The following SEC24C variants were observed in gnomAD, a reference collection of about 807,000 sequenced individuals.
SEC24C encodes SEC24 homolog C, COPII component.
Under a neutral mutation model 117.0 loss-of-function variants are expected in SEC24C, and 22 were observed. The observed-to-expected ratio is 0.19, with a 90% CI of 0.13 to 0.27. The LOEUF is 0.27. SEC24C is among the 10% of genes least tolerant of loss of function. The pLI, the probability that SEC24C is intolerant of heterozygous loss-of-function variation, is 1.00. For synonymous variants in SEC24C, 506 were observed against 529.4 expected (o/e 0.96, Z 0.61); for missense variants, 1,155 against 1,375.1 (o/e 0.84, Z 2.53).
rs2082957306 is a variant in SEC24C at position 73,770,355 on chromosome 10, A to G, written c.2938A>G (p.Ile980Val). The change falls in exon 21 of 23, where the codon ATA becomes GTA. Residue 980 changes from isoleucine (I) to valine (V), a missense_variant. Around this residue, in one of 2 missense-constraint regions of SEC24C, gnomAD observed 759 missense variants for 992.3 expected, o/e 0.76. Coordinates refer to ENST00000345254, the MANE Select transcript of SEC24C (RefSeq NM_198597.3). ...ASEERLSNGD[I>V]YLLENGLNLF... is the part of the protein sequence containing the mutation. ...TGAAGAGCGTCTAAGCAATGGGGAT[A>G]TATATTTACTGGAGAATGGGCTCAA... The G allele has an allele frequency of 2.5e-6, 4 of 1,613,710 alleles. No individual in the cohort carries two copies. Among genetic ancestry groups the G allele is most frequent in the Admixed American group, 3.3e-5 (2 of 59,982 alleles).
chr10:73,760,214 G>A lies in SEC24C; in HGVS notation c.678G>A (p.Met226Ile). 1 of 1,614,148 alleles carries A rather than the reference G, an allele frequency of 6.2e-7. No homozygotes were observed. The highest frequency in any genetic ancestry group is 1.1e-5 in the South Asian group (1 of 91,080). The change falls in exon 5 of 23, where the codon ATG becomes ATA. Residue 226 changes from methionine to isoleucine, a missense_variant. Transcript: ENST00000345254. The part of the protein sequence containing the change: ...PASGGPRLPS[M>I]TGPLLPGQSF... ...CAGGGGGTCCTCGGCTGCCTTCGAT[G>A]ACTGGTCCACTCCTGCCTGGACAGA...
chr10:73,765,326 C>G, intron 8 of SEC24C, 125 bp from the exon 9 acceptor site: 1 of 1,014,790 alleles, frequency 9.9e-7, no homozygotes, highest in Non-Finnish European at 1.5e-6. Context: ...ATTGTGCTCC[C>G]TACTCCCTCT....
chr10:73,755,896 G>T (rs558421757), intron 3 of SEC24C, among the ~76,000 whole-genome samples: 25 of 151,598 alleles, frequency 1.6e-4, no homozygotes, highest in Non-Finnish European at 3.2e-4. Flanking sequence ...CTGTCGCCCA[G>T]GCTGGAGTGC....
At position 73,768,843 on chromosome 10, in the gene SEC24C, C is replaced by T. The variant is rs769542589; in HGVS notation, c.2215C>T (p.Leu739=). ...CGACCAGGAGCGGTTCCTGAGTGAC[C>T]TGCGTCGTGATGTCCAGAAGGTTGT... ...ENDQERFLSD[L]RRDVQKVVGF... The change falls in exon 16 of 23, where the codon CTG becomes TTG. Residue 739 remains leucine, a synonymous_variant. Transcript: ENST00000345254. 1.2e-6 allele frequency: 2 copies of T among 1,613,774 alleles called. No homozygotes were observed. Among genetic ancestry groups the T allele is most frequent in the African/African-American group, 1.3e-5 (1 of 74,902 alleles).
intron 6 of SEC24C, among the ~76,000 whole-genome samples, chr10:73,762,916 T>A (rs957319978): frequency 2.0e-5 from 3 of 152,222 alleles, no homozygotes; most frequent in South Asian, 4.1e-4. Context: ...ATATACACAT[T>A]GATGCTTACC....
Position 73,772,134 on chromosome 10 carries a change from T to G in SEC24C, c.*1039T>G. On this transcript the variant is annotated 3_prime_UTR_variant, in exon 23 of 23. Coordinates refer to ENST00000345254, the MANE Select transcript of SEC24C (RefSeq NM_198597.3). Reference sequence around the variant, plus strand: ...TATTTTTCAATGCATCTTTAATTTGTAAAGAAATAAAATAAATTAAGATGT... The same window carrying G: ...TATTTTTCAATGCATCTTTAATTTGGAAAGAAATAAAATAAATTAAGATGT... 7.1e-6 allele frequency: 3 copies of G among 422,280 alleles called. No individual in the cohort carries two copies. In the East Asian group the frequency reaches 1.1e-4, roughly 15 times the overall value. 26.2% of individuals were successfully genotyped at this position (422,280 alleles called of 1,614,324 possible).
Position 73,769,708 on chromosome 10 carries a change from G to C in SEC24C, c.2657G>C (p.Cys886Ser). 4.3e-6 allele frequency: 7 copies of C among 1,614,226 alleles called. No homozygotes were observed. Among genetic ancestry groups the C allele is most frequent in the Non-Finnish European group, 5.9e-6 (7 of 1,180,032 alleles). The change falls in exon 19 of 23, where the codon TGT (cysteine) becomes TCT (serine). Residue 886 changes from cysteine (C) to serine (S), a missense_variant. This residue lies in a region of SEC24C where 759 missense variants were observed against 992.3 expected (regional missense o/e 0.76). Coordinates refer to ENST00000345254, the MANE Select transcript of SEC24C (RefSeq NM_198597.3). This position sits in a 1 kb window ranked among gnomAD's most constrained non-coding sequence, Gnocchi z 4.5. The part of the protein sequence containing the change: ...AQILACYRKN[C>S]ASPSSAGQLI... ...ATCCTGGCCTGTTACAGAAAGAACT[G>C]TGCTAGCCCCTCCTCTGCAGGACAG...
At chr10:73,757,350 C>CG in intron 3 of SEC24C, among the ~76,000 whole-genome samples, 1 of 141,878 alleles carries the variant, frequency 7.0e-6, no homozygotes, top group Non-Finnish European at 1.6e-5. Flanking sequence ...ATAGGGAGAT[C>CG]CTGTCGCTAT....
intron 20 of SEC24C, 63 bp from the exon 21 acceptor site, chr10:73,770,217 G>A: frequency 2.7e-6 from 4 of 1,490,362 alleles, no homozygotes; most frequent in Non-Finnish European, 3.6e-6. Flanking sequence ...TTTGTGTGTG[G>A]TGCGGGGGGG....
Position 73,770,708 on chromosome 10 carries a change from G to C in SEC24C, c.3055-1G>C. The C allele has an allele frequency of 6.2e-7, 1 of 1,614,100 alleles. No homozygotes were observed. Among genetic ancestry groups the C allele is most frequent in the Non-Finnish European group, 8.5e-7 (1 of 1,179,986 alleles). ...AAGGATAAATGAATTTTGTGTTCTA[G>C]AGTGTTCTGCCAGTTCTGGATAATC... On this transcript the variant is annotated splice_acceptor_variant, in intron 21 of 22. Transcript: ENST00000345254. LOFTEE classifies it high-confidence loss of function.
At position 73,769,908 on chromosome 10, in the gene SEC24C, C is replaced by T. The variant is rs776491352; in HGVS notation, c.2755C>T (p.Pro919Ser). 26 of 1,614,176 alleles carry T rather than the reference C, an allele frequency of 1.6e-5. 1 individual carries two copies. The South Asian group carries it at 1.9e-4, about 12-fold the overall frequency. Residue 919 changes from proline (P) to serine (S), a missense_variant, in exon 20 of 23, where the codon CCT becomes TCT. Physicochemically the swap from Pro to Ser is moderately conservative, Grantham distance 74. Around this residue, in one of 2 missense-constraint regions of SEC24C, gnomAD observed 759 missense variants for 992.3 expected, o/e 0.76. Coordinates refer to ENST00000345254, the MANE Select transcript of SEC24C (RefSeq NM_198597.3). This position sits in a 1 kb window ranked among gnomAD's most constrained non-coding sequence, Gnocchi z 4.5. ...TGTGTTGAAGAGTGATGTCCTGCAGCCTGGAGCTGAAGTCACTACTGATGA... is the reference window on the plus strand; with the variant it reads ...TGTGTTGAAGAGTGATGTCCTGCAGTCTGGAGCTGAAGTCACTACTGATGA... ...NCVLKSDVLQ[P>S]GAEVTTDDRA...
At chr10:73,753,249 G>A (rs954443928) in intron 3 of SEC24C, among the ~76,000 whole-genome samples, 16 of 152,156 alleles carry the variant, frequency 1.1e-4, no homozygotes, top group Non-Finnish European at 1.6e-4. Context: ...ACAGGGTTTC[G>A]CCATGTTGGA....
chr10:73,769,062 G>A lies in SEC24C; in HGVS notation c.2334G>A (p.Val778=), dbSNP rs1406809899. Residue 778 remains valine, a synonymous_variant, in exon 17 of 23, where the codon GTG becomes GTA. Coordinates refer to ENST00000345254, the MANE Select transcript of SEC24C (RefSeq NM_198597.3). The surrounding 1 kb of genome is among the most constrained non-coding windows in gnomAD (Gnocchi z 4.5). ...GAFYMSNTTD[V]ELAGLDGDKT... is the part of the protein sequence containing the mutation. ...TCTACATGAGCAACACGACAGATGT[G>A]GAGCTGGCTGGGCTAGATGGGGACA... 1.9e-6 allele frequency: 3 copies of A among 1,614,154 alleles called. No homozygotes were observed. Among genetic ancestry groups the A allele is most frequent in the Non-Finnish European group, 2.5e-6 (3 of 1,180,056 alleles).
At chr10:73,768,525 AT>A (rs1296941510) in intron 15 of SEC24C, among the ~76,000 whole-genome samples, 1 of 152,206 alleles carries the variant, frequency 6.6e-6, no homozygotes, top group African/African-American at 2.4e-5. Flanking sequence ...CCTAGGATAA[AT>A]TTCTTAAGTA....
At chr10:73,752,982 C>G (rs2082662894) in intron 3 of SEC24C, among the ~76,000 whole-genome samples, 1 of 152,154 alleles carries the variant, frequency 6.6e-6, no homozygotes, top group South Asian at 2.1e-4. Flanking sequence ...CCAATTCAAA[C>G]ATTATTCTCT....
At chr10:73,770,872 G>A in intron 22 of SEC24C, 74 bp downstream of exon 22, 2 of 1,612,348 alleles carry the variant, frequency 1.2e-6, no homozygotes, top group Non-Finnish European at 1.7e-6. Context: ...GGTGGGGAAT[G>A]AGTAAGTGAC....
Position 73,765,912 on chromosome 10 carries a change from C to T in SEC24C, c.1479C>T (p.Cys493=), listed in dbSNP as rs779370342. ...AATTCTTGGCCACTGTAGATTACTG[C>T]AAGGTGAGGGAAGGTAGCATGGGAG... ...SYEFLATVDY[C]KNNKFPSPPA... The change falls in exon 10 of 23, where the codon TGC becomes TGT. Residue 493 remains cysteine, a synonymous_variant. Transcript: ENST00000345254. The T allele has an allele frequency of 5.6e-6, 9 of 1,611,608 alleles. No individual in the cohort carries two copies. In the Admixed American group the frequency reaches 6.7e-5, roughly 12 times the overall value.
At chr10:73,765,134 A>G (rs762712774) in intron 8 of SEC24C, among the ~76,000 whole-genome samples, 7 of 152,208 alleles carry the variant, frequency 4.6e-5, no homozygotes, top group Non-Finnish European at 8.8e-5. Flanking sequence ...AGAATCCTAG[A>G]TAATCTTGGC....
chr10:73,766,585 T>A, intron 12 of SEC24C, 44 bp downstream of exon 12: 1 of 1,557,212 alleles, frequency 6.4e-7, no homozygotes, highest in Non-Finnish European at 8.7e-7. Context: ...GTGGCATGGG[T>A]ACCACCATAG....
Sources: gnomAD v4.1 joint callset for allele counts (sites outside exome capture counted in the v4.1 genomes callset) on GRCh38, gnomAD v4.1.1 for gene constraint, gnomAD v4.1.1 regional missense constraint, Gnocchi (gnomAD v3.1) non-coding constraint, MANE v1.5 for transcripts, NCBI Gene and HGNC (gene_info 2026-07-23, HGNC 2026-07-21) for gene names.